Variants in MYH11 observed in about 807,000 individuals in gnomAD.
The protein encoded by MYH11 is myosin-11.
In MYH11, 80 loss-of-function variants were observed where a neutral mutation model predicts 246.6. The ratio of observed to expected loss-of-function variants is 0.32; its 90% CI spans 0.27 to 0.39. MYH11 has a LOEUF of 0.39. Among genes scored for constraint, MYH11 ranks in the 10% least tolerant of loss-of-function variants. The probability of loss-of-function intolerance (pLI) is 1.00; values close to 1 mark genes in which losing one functional copy is unlikely to be tolerated. For missense variants in MYH11, 2,158 were observed against 2,546.8 expected, an observed-to-expected ratio of 0.85 and a Z score of 3.29; for synonymous variants, 1,071 against 1,015.5, an observed-to-expected ratio of 1.05 and a Z score of -1.04.
In MYH11 at chr16:15,753,386, G is replaced by A. The variant is rs1297078684; in HGVS notation, c.1864+8C>T. The A allele has an allele frequency of 3.1e-6, 5 of 1,611,280 alleles. No individual in the cohort carries two copies. The African/African-American group carries it at 5.3e-5, about 17-fold the overall frequency. The stretch of plus-strand genomic sequence containing the variant: ...GCAGAACATGGACCCGAGCAGAGAA[G>A]GCCTTACCGTCCTTCCACAGGTCGG... On this transcript the variant is annotated splice_region_variant and intron_variant, in intron 15 of 40. Transcript: ENST00000300036.
At chr16:15,845,707 T>A (rs755747579) in intron 1 of MYH11, among the ~76,000 whole-genome samples, 19 of 103,458 alleles carry the variant, frequency 1.8e-4, no homozygotes, top group Middle Eastern at 5.2e-3. Flanking sequence ...TGTGTGTGTG[T>A]GAGAGAGAGA....
At chr16:15,730,707 A>AG (rs1412273282) in intron 27 of MYH11, among the ~76,000 whole-genome samples, 1 of 152,172 alleles carries the variant, frequency 6.6e-6, no homozygotes, top group Middle Eastern at 3.2e-3. Context: ...GGGGATGTGG[A>AG]GGAGCTGCAA....
At chr16:15,805,829 T>C (rs1294415451) in intron 3 of MYH11, among the ~76,000 whole-genome samples, 2 of 152,130 alleles carry the variant, frequency 1.3e-5, no homozygotes, top group Non-Finnish European at 2.9e-5. Flanking sequence ...GGTGGGACAA[T>C]GGCTTGAGCC....
chr16:15,729,384 C>T (rs970994459), intron 27 of MYH11, among the ~76,000 whole-genome samples: 2 of 152,230 alleles, frequency 1.3e-5, no homozygotes, highest in East Asian at 1.9e-4. Flanking sequence ...CTGCTTTGTG[C>T]GGGTCAGTAA....
chr16:15,820,109 G>A lies in MYH11; in HGVS notation c.502+3146C>T, dbSNP rs189699724. ...TGTAATCCCACCACTTTGGGAGGCC[G>A]AGGTGGGAGGATCACCTGAGGCCAG... is the stretch of plus-strand genomic sequence containing the variant. On this transcript the variant is annotated intron_variant, in intron 3 of 40. Transcript: ENST00000300036. 1.2e-4 allele frequency among the ~76,000 whole-genome samples: 18 copies of A among 152,308 alleles called. No homozygotes were observed. The East Asian group carries it at 2.3e-3, about 20-fold the overall frequency.
At chr16:15,757,788 A>C in intron 13 of MYH11, 39 bp downstream of exon 13, 1 of 1,613,614 alleles carries the variant, frequency 6.2e-7, no homozygotes, top group Non-Finnish European at 8.5e-7. Context: ...ACACGTGTAC[A>C]AGGTGTGACG....
At position 15,850,989 on chromosome 16, in the gene MYH11, G is replaced by A. The variant is rs570412222; in HGVS notation, c.-18+5952C>T. Among the ~76,000 whole-genome samples, 17 of 152,306 alleles carry A rather than the reference G, an allele frequency of 1.1e-4. No homozygotes were observed. In the South Asian group the frequency reaches 1.9e-3, roughly 17 times the overall value. On this transcript the variant is annotated intron_variant, in intron 1 of 40. Coordinates refer to ENST00000300036, the MANE Select transcript of MYH11 (RefSeq NM_002474.3). ...TCACACCTGTAATCCAAGAACTATG[G>A]GAGGCCAAGCCAAGAGGATTGCTTG... is the stretch of plus-strand genomic sequence containing the variant.
intron 6 of MYH11, among the ~76,000 whole-genome samples, chr16:15,781,906 C>T (rs1368306584): frequency 6.6e-6 from 1 of 152,154 alleles, no homozygotes; most frequent in Non-Finnish European, 1.5e-5. Flanking sequence ...AGTAATTGTA[C>T]ACAGTAGGTA....
At chr16:15,814,698 C>T (rs1237224564) in intron 3 of MYH11, among the ~76,000 whole-genome samples, 1 of 151,844 alleles carries the variant, frequency 6.6e-6, no homozygotes, top group East Asian at 1.9e-4. Context: ...TGCCAGGGGC[C>T]TCTGGAAGAA....
chr16:15,786,355 G>T, intron 5 of MYH11: 1 of 582,100 alleles, frequency 1.7e-6, no homozygotes. Context: ...GAGAAGCCCC[G>T]ACGTGGAGGA....
chr16:15,763,760 C>CCCCCCAAA, intron 10 of MYH11, 36 bp downstream of exon 10: 12 of 1,192,054 alleles, frequency 1.0e-5, no homozygotes, highest in Non-Finnish European at 1.5e-5. Context: ...CCCCCAACCC[C>CCCCCCAAA]AAAGTCATTG....
intron 24 of MYH11, among the ~76,000 whole-genome samples, 175 bp downstream of exon 24, chr16:15,738,390 G>A (rs1195043873): frequency 1.3e-5 from 2 of 152,106 alleles, no homozygotes; most frequent in South Asian, 2.1e-4. Context: ...ATGCACGCCT[G>A]TAGTCTCAGC....
At chr16:15,769,101 T>A (rs1331961335) in intron 9 of MYH11, among the ~76,000 whole-genome samples, 1 of 151,990 alleles carries the variant, frequency 6.6e-6, no homozygotes, top group East Asian at 1.9e-4. Flanking sequence ...TCATCTGAGG[T>A]CAGGAGTTTA....
In MYH11 at chr16:15,720,732, C is replaced by CAA. The variant is rs961111104; in HGVS notation, c.4791+105_4791+106dup. Reference sequence around the variant, plus strand: ...TGGGCGACAGAGCGAGACTCTGTTTCAAAAAAAAATAAAGAAAACGAAGTT... The same window carrying CAA: ...TGGGCGACAGAGCGAGACTCTGTTTCAAAAAAAAAAATAAAGAAAACGAAGTT... On this transcript the variant is annotated intron_variant, in intron 33 of 40. Coordinates refer to ENST00000300036, the MANE Select transcript of MYH11 (RefSeq NM_002474.3). 1.1e-5 allele frequency: 14 copies of CAA among 1,252,510 alleles called. No homozygotes were observed. In the Admixed American group the frequency reaches 1.6e-4, roughly 15 times the overall value. 77.6% of individuals were successfully genotyped at this position (1,252,510 alleles called of 1,614,324 possible). A position where few individuals can be genotyped will look rare whatever the true frequency, so the allele number is the denominator to read the frequency against.
chr16:15,719,648 G>T lies in MYH11; in HGVS notation c.5019C>A (p.Ala1673=). The T allele has an allele frequency of 6.2e-7, 1 of 1,614,150 alleles. No homozygotes were observed. The highest frequency in any genetic ancestry group is 8.5e-7 in the Non-Finnish European group (1 of 1,180,028). The part of the protein sequence containing the change: ...DARASRDEIF[A]TAKENEKKAK... The stretch of plus-strand genomic sequence containing the variant: ...CTTTCTTCTCATTCTCTTTGGCTGT[G>T]GCAAAGATCTCATCTCTGGAGGCAC... The change falls in exon 35 of 41, where the codon GCC becomes GCA. Residue 1673 remains alanine, a synonymous_variant. Transcript: ENST00000300036.
Position 15,788,095 on chromosome 16 carries a change from T to TTGTTTTTTTTTTTTTTTTTA in MYH11, c.531-1364_531-1363insTAAAAAAAAAAAAAAAAACA, listed in dbSNP as rs11273419. Among the ~76,000 whole-genome samples the TTGTTTTTTTTTTTTTTTTTA allele has an allele frequency of 2.0e-5, 2 of 99,488 alleles. 1 individual carries two copies. Among genetic ancestry groups the TTGTTTTTTTTTTTTTTTTTA allele is most frequent in the Non-Finnish European group, 4.2e-5 (2 of 47,328 alleles). The allele number at this position is 99,488 out of a possible 152,430, so 65.3% of individuals were successfully genotyped here. On this transcript the variant is annotated intron_variant, in intron 4 of 40. Transcript: ENST00000300036. ...GGTAGATCTTTTTTTTTTTTTTTTT[T>TTGTTTTTTTTTTTTTTTTTA]ACCAAGATGGCTTTCGTGCACTAGC...
At chr16:15,854,832 A>AC (rs1285882326) in intron 1 of MYH11, among the ~76,000 whole-genome samples, 1 of 105,128 alleles carries the variant, frequency 9.5e-6, no homozygotes, top group East Asian at 4.0e-4. Flanking sequence ...ATTCCCTCCC[A>AC]CCCCCCACCC....
chr16:15,813,567 A>G (rs796415632), intron 3 of MYH11, among the ~76,000 whole-genome samples: 6 of 152,302 alleles, frequency 3.9e-5, no homozygotes, highest in African/African-American at 1.4e-4. Flanking sequence ...ATCCATGATT[A>G]TTATTATCAC....
intron 4 of MYH11, among the ~76,000 whole-genome samples, chr16:15,795,811 T>C (rs987821842): frequency 4.6e-5 from 7 of 152,206 alleles, no homozygotes; most frequent in African/African-American, 7.2e-5. Flanking sequence ...GGGGTGCTTA[T>C]TGTTCCCATT....
Sources: gnomAD v4.1 joint callset for allele counts (sites outside exome capture counted in the v4.1 genomes callset) on GRCh38, gnomAD v4.1.1 for gene constraint, MANE v1.5 for transcripts, NCBI Gene and HGNC (gene_info 2026-07-23, HGNC 2026-07-21) for gene names.